NTM: variants seen among roughly 807,000 people sequenced by gnomAD.
The protein encoded by NTM is IgLON family member 2.
Under a neutral mutation model 42.1 loss-of-function variants are expected in NTM, and 13 were observed. The ratio of observed to expected loss-of-function variants is 0.31; its 90% CI spans 0.20 to 0.49. The LOEUF (loss-of-function observed/expected upper bound fraction) is 0.49, where lower values mean the gene tolerates loss of function less well. NTM is among the 20% of genes least tolerant of loss of function. The pLI is 0.99. For missense variants in NTM, 373 were observed against 452.8 expected (o/e 0.82, Z 1.60); for synonymous variants, 187 against 179.2 (o/e 1.04, Z -0.35).
At chr11:131,852,673 A>T (rs556301701) in intron 1 of NTM, among the ~76,000 whole-genome samples, 1 of 152,246 alleles carries the variant, frequency 6.6e-6, no homozygotes, top group African/African-American at 2.4e-5. Context: ...CCTGGAATAG[A>T]TCAGCTCACT....
intron 3 of NTM, among the ~76,000 whole-genome samples, chr11:132,201,319 G>T (rs1333498689): frequency 1.3e-5 from 2 of 152,180 alleles, no homozygotes; most frequent in African/African-American, 4.8e-5. Flanking sequence ...ATGGAGTCTG[G>T]TATATGATAG....
chr11:131,424,878 T>TA (rs1211645441), intron 1 of NTM, among the ~76,000 whole-genome samples: 18 of 143,508 alleles, frequency 1.3e-4, no homozygotes, highest in Admixed American at 9.8e-4. Context: ...TTTTTTTTTT[T>TA]TTATTTTTTT....
At chr11:131,896,018 A>T (rs1472319511) in intron 1 of NTM, among the ~76,000 whole-genome samples, 1 of 152,172 alleles carries the variant, frequency 6.6e-6, no homozygotes, top group Non-Finnish European at 1.5e-5. Context: ...TTAACTTGGG[A>T]TACTTCTTGA....
At chr11:131,377,882 G>A (rs1295507025) in intron 1 of NTM, among the ~76,000 whole-genome samples, 1 of 152,180 alleles carries the variant, frequency 6.6e-6, no homozygotes, top group Admixed American at 6.5e-5. Context: ...TCATGAACAA[G>A]AACAGGTAAT....
At chr11:132,183,520 AT>A (rs1394180720) in intron 3 of NTM, among the ~76,000 whole-genome samples, 6 of 152,040 alleles carry the variant, frequency 3.9e-5, no homozygotes, top group African/African-American at 9.7e-5. Context: ...CTGGAGCCAA[AT>A]TTGCAATCAC....
chr11:132,306,971 A>T (rs1313684787), intron 4 of NTM, among the ~76,000 whole-genome samples: 1 of 152,158 alleles, frequency 6.6e-6, no homozygotes. Flanking sequence ...GAAGACAATG[A>T]GTCCCGCAAT....
At chr11:131,984,384 A>G in intron 2 of NTM, 1 of 152,272 alleles carries the variant, frequency 6.6e-6, no homozygotes, top group Non-Finnish European at 1.5e-5. Flanking sequence ...CATTGAAGAT[A>G]CACAGCAGTT....
chr11:131,683,473 C>T (rs1451580537), intron 1 of NTM, among the ~76,000 whole-genome samples: 2 of 152,160 alleles, frequency 1.3e-5, no homozygotes, highest in African/African-American at 4.8e-5. Context: ...CAGGTTGATG[C>T]CTTAGGAGCT....
In NTM at chr11:131,722,019, A is replaced by G. The variant is rs12226266; in HGVS notation, c.83-189545A>G. Among the ~76,000 whole-genome samples the G allele has an allele frequency of 3.5e-4, 40 of 114,628 alleles. 6 individuals are homozygous for G. The highest frequency in any genetic ancestry group is 9.0e-4 in the African/African-American group (27 of 29,954). The allele number at this position is 114,628 out of a possible 152,430, so 75.2% of individuals were successfully genotyped here. On this transcript the variant is annotated intron_variant, in intron 1 of 8. Transcript: ENST00000683400. ...CTCAAAAAAAAAAAAAAAAAAAAAA[A>G]AAAGAGAGAAAGAAAGAAAATAATG...
At chr11:132,189,496 TG>T (rs1459565423) in intron 3 of NTM, among the ~76,000 whole-genome samples, 1 of 152,216 alleles carries the variant, frequency 6.6e-6, no homozygotes. Flanking sequence ...TGCAGGACAT[TG>T]TTTTATTTCA....
intron 2 of NTM, among the ~76,000 whole-genome samples, chr11:131,977,331 C>T (rs908646118): frequency 1.3e-5 from 2 of 152,222 alleles, no homozygotes; most frequent in African/African-American, 2.4e-5. Flanking sequence ...TTCCCAAGAG[C>T]GTCTGCTCTT....
At chr11:132,041,064 G>T (rs762552783) in intron 2 of NTM, among the ~76,000 whole-genome samples, 5 of 152,162 alleles carry the variant, frequency 3.3e-5, no homozygotes, top group African/African-American at 4.8e-5. Context: ...AAGCATGCTG[G>T]AGTCTTCAAT....
intron 1 of NTM, among the ~76,000 whole-genome samples, chr11:131,705,999 A>T (rs2076555640): frequency 6.6e-6 from 1 of 152,064 alleles, no homozygotes; most frequent in Non-Finnish European, 1.5e-5. Flanking sequence ...AATTACTTTA[A>T]ATGTAAATGG....
chr11:131,472,546 G>A (rs879627682), intron 1 of NTM, among the ~76,000 whole-genome samples: 20 of 152,036 alleles, frequency 1.3e-4, no homozygotes, highest in Admixed American at 2.6e-4. Context: ...GGGAAAGAGC[G>A]TTAGAAAGTG....
chr11:131,667,766 T>A (rs760737058), intron 1 of NTM, among the ~76,000 whole-genome samples: 2 of 152,220 alleles, frequency 1.3e-5, no homozygotes, highest in Non-Finnish European at 2.9e-5. Flanking sequence ...CCAGGAACTT[T>A]TAAACCCATG....
intron 2 of NTM, among the ~76,000 whole-genome samples, chr11:132,025,341 G>A (rs2075026126): frequency 1.3e-5 from 2 of 152,190 alleles, no homozygotes; most frequent in Non-Finnish European, 2.9e-5. Context: ...CCCAATTATT[G>A]AAGTCTTAGT....
intron 1 of NTM, among the ~76,000 whole-genome samples, chr11:131,557,264 G>T (rs1309501093): frequency 6.6e-6 from 1 of 152,118 alleles, no homozygotes; most frequent in African/African-American, 2.4e-5. Context: ...TGTTTTGTGA[G>T]TTGGGTAAGC....
chr11:131,988,852 G>A (rs953821808), intron 2 of NTM, among the ~76,000 whole-genome samples: 9 of 152,238 alleles, frequency 5.9e-5, no homozygotes, highest in Middle Eastern at 3.4e-3. Flanking sequence ...TGATGAAAAC[G>A]TAGTACCAAA....
intron 2 of NTM, among the ~76,000 whole-genome samples, chr11:132,120,911 G>T (rs909293139): frequency 6.6e-6 from 1 of 152,120 alleles, no homozygotes; most frequent in African/African-American, 2.4e-5. Flanking sequence ...TATTTTGTGG[G>T]GAGTGCGTGT....
Sources: gnomAD v4.1 joint callset for allele counts (sites outside exome capture counted in the v4.1 genomes callset) on GRCh38, gnomAD v4.1.1 for gene constraint, MANE v1.5 for transcripts, NCBI Gene and HGNC (gene_info 2026-07-23, HGNC 2026-07-21) for gene names.